Variants in DROSHA observed in about 807,000 individuals in gnomAD.
DROSHA encodes the protein drosha ribonuclease III.
A neutral mutation model predicts 181.9 loss-of-function variants in DROSHA; 56 were observed. The ratio of observed to expected loss-of-function variants is 0.31; its 90% confidence interval spans 0.25 to 0.38. The LOEUF is 0.38. Among genes scored for constraint, DROSHA ranks in the 10% least tolerant of loss-of-function variants. The pLI is 1.00. For synonymous variants in DROSHA, 524 were observed against 591.2 expected (o/e 0.89, Z 1.65); for missense variants, 1,218 against 1,743.5 (o/e 0.70, Z 5.37).
intron 10 of DROSHA, among the ~76,000 whole-genome samples, chr5:31,506,690 C>T (rs1316567133): frequency 3.5e-5 from 4 of 113,548 alleles, no homozygotes; most frequent in Admixed American, 1.9e-4. Flanking sequence ...TTTGAGACTC[C>T]GTCTCAAAAA....
chr5:31,511,988 ACT>A (rs760276695), intron 8 of DROSHA, among the ~76,000 whole-genome samples: 51 of 151,508 alleles, frequency 3.4e-4, no homozygotes, highest in African/African-American at 1.2e-3. Flanking sequence ...ACATGCACAC[ACT>A]CTCTCTCACA....
At chr5:31,456,903 A>T (rs1747732715) in intron 20 of DROSHA, among the ~76,000 whole-genome samples, 1 of 152,040 alleles carries the variant, frequency 6.6e-6, no homozygotes, top group African/African-American at 2.4e-5. Flanking sequence ...CTAGGACAAC[A>T]GGTGTGCACC....
intron 31 of DROSHA, among the ~76,000 whole-genome samples, chr5:31,410,501 T>C (rs12186785): frequency 0.067 from 10,231 of 152,294 alleles, 515 homozygotes; most frequent in Admixed American, 0.12. Flanking sequence ...AGCTGAGTGT[T>C]AGGATGGAGG....
intron 16 of DROSHA, among the ~76,000 whole-genome samples, chr5:31,480,469 T>C (rs1750910740): frequency 6.6e-6 from 1 of 151,928 alleles, no homozygotes; most frequent in Non-Finnish European, 1.5e-5. Flanking sequence ...TGGAAAGGGG[T>C]CCGAAGGGGG....
In DROSHA at chr5:31,515,014, A is replaced by G. The variant is rs1739118881; in HGVS notation, c.1264T>C (p.Tyr422His). 1 of 1,613,864 alleles carries G rather than the reference A, an allele frequency of 6.2e-7. No individual in the cohort carries two copies. Among genetic ancestry groups the G allele is most frequent in the Non-Finnish European group, 8.5e-7 (1 of 1,179,884 alleles). ...ACCTGATCCATGGGGTCACTGGAGTAGTAGTTTTCTGAATGAGTGCATCGA... is the reference window on the plus strand; with the variant it reads ...ACCTGATCCATGGGGTCACTGGAGTGGTAGTTTTCTGAATGAGTGCATCGA... ...WIRCTHSENY[Y>H]SSDPMDQVGD... The change falls in exon 8 of 36, where the codon TAC becomes CAC. Residue 422 changes from tyrosine (Y) to histidine (H), a missense_variant. By Grantham distance (83) the Tyr-to-His change is moderately conservative (BLOSUM62 2). Coordinates refer to ENST00000344624, the MANE Select transcript of DROSHA (RefSeq NM_001382508.1).
chr5:31,459,836 AACC>A (rs1338499030), intron 20 of DROSHA, among the ~76,000 whole-genome samples: 1 of 152,154 alleles, frequency 6.6e-6, no homozygotes, highest in Non-Finnish European at 1.5e-5. Flanking sequence ...TACAAATACC[AACC>A]ACCACAACTC....
intron 10 of DROSHA, among the ~76,000 whole-genome samples, chr5:31,508,296 A>T (rs1738230819): frequency 6.6e-6 from 1 of 152,218 alleles, no homozygotes; most frequent in African/African-American, 2.4e-5. Context: ...CTTCCAGGTG[A>T]ACTACTTCTA....
intron 12 of DROSHA, 114 bp downstream of exon 12, chr5:31,495,167 AAAAAT>A: frequency 1.7e-6 from 2 of 1,199,652 alleles, no homozygotes; most frequent in South Asian, 2.8e-5. Context: ...TTGTCAACAT[AAAAAT>A]AAAATATTTT....
chr5:31,465,325 A>G (rs1478906166), intron 19 of DROSHA, among the ~76,000 whole-genome samples: 1 of 152,220 alleles, frequency 6.6e-6, no homozygotes, highest in Non-Finnish European at 1.5e-5. Flanking sequence ...AATACTACCC[A>G]TTAGTAAGGA....
chr5:31,436,601 C>T (rs1048474448), intron 24 of DROSHA, among the ~76,000 whole-genome samples: 4 of 152,130 alleles, frequency 2.6e-5, no homozygotes. Context: ...CCATGTTGGC[C>T]AGGCTGGTCT....
intron 8 of DROSHA, among the ~76,000 whole-genome samples, chr5:31,511,880 G>A (rs1042110460): frequency 6.6e-6 from 1 of 150,938 alleles, no homozygotes; most frequent in African/African-American, 2.4e-5. Context: ...TCAATCCATC[G>A]AGCAATAAGA....
Position 31,446,446 on chromosome 5 carries a change from CAA to C in DROSHA, c.2882+2099_2882+2100del, listed in dbSNP as rs60001713. On this transcript the variant is annotated intron_variant, in intron 23 of 35. Coordinates refer to ENST00000344624, the MANE Select transcript of DROSHA (RefSeq NM_001382508.1). ...TGGGCGACAGAGCGAGACTCTGTCT[CAA>C]AAAAAAAAAAAAAAAAAAGATTCCA... Among the ~76,000 whole-genome samples the C allele has an allele frequency of 6.6e-3, 391 of 59,312 alleles. 1 individual carries two copies. Among genetic ancestry groups the C allele is most frequent in the African/African-American group, 0.02 (371 of 18,242 alleles). 38.9% of individuals were successfully genotyped at this position (59,312 alleles called of 152,430 possible).
Position 31,466,344 on chromosome 5 carries a change from C to T in DROSHA, c.2367-63G>A, listed in dbSNP as rs1465453506. On this transcript the variant is annotated intron_variant, in intron 18 of 35. Transcript: ENST00000344624. ...GAGGTAAACCTAAAATGCAACAAAA[C>T]CAGTTATTTTAAGAGGCCTCTTCAA... The T allele has an allele frequency of 6.3e-6, 9 of 1,435,658 alleles. No individual in the cohort carries two copies. In the African/African-American group the frequency reaches 1.1e-4, roughly 18 times the overall value. 88.9% of individuals were successfully genotyped at this position (1,435,658 alleles called of 1,614,324 possible). A position where few individuals can be genotyped will look rare whatever the true frequency, so the allele number is the denominator to read the frequency against.
At chr5:31,490,892 G>A (rs1429244822) in intron 13 of DROSHA, among the ~76,000 whole-genome samples, 2 of 151,790 alleles carry the variant, frequency 1.3e-5, no homozygotes, top group Admixed American at 6.6e-5. Context: ...AGTTCTCACC[G>A]AGAACTTGAA....
At chr5:31,467,220 T>C (rs1418248695) in intron 18 of DROSHA, 1 of 151,526 alleles carries the variant, frequency 6.6e-6, no homozygotes, top group Non-Finnish European at 1.5e-5. Flanking sequence ...TCTTCTAATA[T>C]ATGTCAGCCA....
Position 31,437,291 on chromosome 5 carries a change from G to A in DROSHA, c.2890C>T (p.His964Tyr), listed in dbSNP as rs1744967932. The change falls in exon 24 of 36, where the codon CAC becomes TAC. Residue 964 changes from histidine (H) to tyrosine (Y), a missense_variant. Physicochemically the swap from His to Tyr is moderately conservative, Grantham distance 83 (BLOSUM62 2). Coordinates refer to ENST00000344624, the MANE Select transcript of DROSHA (RefSeq NM_001382508.1). ...QDDPTPSRIN[H>Y]NERLEFLGDA... Reference sequence around the variant, plus strand: ...CCCAGGAATTCCAACCGTTCATTGTGGTTAATCCTACAATAGGAATTAAAA... The same window carrying A: ...CCCAGGAATTCCAACCGTTCATTGTAGTTAATCCTACAATAGGAATTAAAA... 1.3e-6 allele frequency: 2 copies of A among 1,576,302 alleles called. No homozygotes were observed. Among genetic ancestry groups the A allele is most frequent in the Non-Finnish European group, 1.7e-6 (2 of 1,159,994 alleles).
intron 34 of DROSHA, 41 bp from the exon 35 acceptor site, chr5:31,405,764 ATTCTT>A: frequency 4.8e-5 from 26 of 544,832 alleles, no homozygotes; most frequent in Non-Finnish European, 5.2e-5. Flanking sequence ...TAATTTCAAG[ATTCTT>A]TTTTTTTTTT....
In DROSHA at chr5:31,409,244, G is replaced by T; in HGVS notation, c.3750+6C>A. ...GACCACTAATTCAAACTTTATATGA[G>T]CTTACTTTCAATCGTGGAAAGAAGC... On this transcript the variant is annotated splice_donor_region_variant and intron_variant, in intron 32 of 35. Coordinates refer to ENST00000344624, the MANE Select transcript of DROSHA (RefSeq NM_001382508.1). This position sits in a 1 kb window ranked among gnomAD's most constrained non-coding sequence, Gnocchi z 4.0. 2 of 1,599,260 alleles carry T rather than the reference G, an allele frequency of 1.3e-6. No homozygotes were observed. The highest frequency in any genetic ancestry group is 1.7e-6 in the Non-Finnish European group (2 of 1,172,388).
rs1741102221 is a variant in DROSHA at position 31,409,927 on chromosome 5, T to C, written c.3668-595A>G. On this transcript the variant is annotated intron_variant, in intron 31 of 35. Coordinates refer to ENST00000344624, the MANE Select transcript of DROSHA (RefSeq NM_001382508.1). The surrounding 1 kb of genome is among the most constrained non-coding windows in gnomAD (Gnocchi z 4.0). ...AAGGTACCTTGACAAAGCAAACAAA[T>C]GGTGCATTTTCAAAAGAAGGAATAA... 6.7e-6 allele frequency among the ~76,000 whole-genome samples: 1 copy of C among 149,568 alleles called. No homozygotes were observed. Among genetic ancestry groups the C allele is most frequent in the African/African-American group, 2.5e-5 (1 of 40,466 alleles).
Sources: gnomAD v4.1 joint callset for allele counts (sites outside exome capture counted in the v4.1 genomes callset) on GRCh38, gnomAD v4.1.1 for gene constraint, Gnocchi (gnomAD v3.1) non-coding constraint, MANE v1.5 for transcripts, NCBI Gene and HGNC (gene_info 2026-07-23, HGNC 2026-07-21) for gene names.